Variants in TNRC18 observed in about 807,000 individuals in gnomAD.
TNRC18 encodes the protein trinucleotide repeat containing 18.
TNRC18 carries 69 observed loss-of-function variants against 226.7 expected under a neutral mutation model. The observed-to-expected ratio is 0.30, with a 90% CI of 0.25 to 0.37. TNRC18 has a LOEUF of 0.37. Among genes scored for constraint, TNRC18 ranks in the 10% least tolerant of loss-of-function variants. The pLI, the probability that TNRC18 is intolerant of heterozygous loss-of-function variation, is 1.00. For missense variants in TNRC18, 4,754 were observed against 4,256.6 expected, an observed-to-expected ratio of 1.12 and a Z score of -3.25; for synonymous variants, 2,449 against 1,927.6, an observed-to-expected ratio of 1.27 and a Z score of -7.09.
At chr7:5,330,308 C>T (rs1412019684) in intron 19 of TNRC18, among the ~76,000 whole-genome samples, 1 of 152,106 alleles carries the variant, frequency 6.6e-6, no homozygotes, top group Non-Finnish European at 1.5e-5. Context: ...TAGCTCACTG[C>T]AGCCTTCACC....
intron 3 of TNRC18, among the ~76,000 whole-genome samples, chr7:5,393,302 C>G (rs1156921371): frequency 6.6e-6 from 1 of 152,256 alleles, no homozygotes; most frequent in Non-Finnish European, 1.5e-5. Flanking sequence ...GCTGGGCACC[C>G]TCGTGCCTGG....
chr7:5,398,720 C>G (rs1424732948), intron 2 of TNRC18, among the ~76,000 whole-genome samples: 1 of 151,972 alleles, frequency 6.6e-6, no homozygotes, highest in African/African-American at 2.4e-5. Flanking sequence ...TGAGCTCAAT[C>G]AATCCTCCAG....
chr7:5,389,461 G>GTTTTTTTTTTTTGTTTTTTTTTTTTT (rs754143983), intron 4 of TNRC18, 125 bp from the exon 5 acceptor site: 1 of 519,656 alleles, frequency 1.9e-6, no homozygotes, highest in African/African-American at 2.8e-5. Flanking sequence ...TTTGGTTTTG[G>GTTTTTTTTTTTTGTTTTTTTTTTTTT]TTTTTTTTTT....
chr7:5,418,122 C>A (rs937124320), intron 2 of TNRC18, among the ~76,000 whole-genome samples: 12 of 152,194 alleles, frequency 7.9e-5, no homozygotes, highest in Non-Finnish European at 1.5e-5. Context: ...AGTACAAAAT[C>A]CTACTAATAG....
In TNRC18 at chr7:5,345,776, C is replaced by T; in HGVS notation, c.5505G>A (p.Glu1835=). 1.3e-6 allele frequency: 2 copies of T among 1,546,080 alleles called. No homozygotes were observed. Among genetic ancestry groups the T allele is most frequent in the Non-Finnish European group, 1.7e-6 (2 of 1,146,774 alleles). The change falls in exon 18 of 30, where the codon GAG becomes GAA. Residue 1835 remains glutamate (E), a synonymous_variant. Transcript: ENST00000430969. ...CGCTGGCCTCGTCCTCCTCCTCGAG[C>T]TCCTCCTCCTCGTCCTCCTCCTCCG... ...ESSEEEDEEE[E]LEEEDEASGG... is the part of the protein sequence containing the mutation.
intron 3 of TNRC18, among the ~76,000 whole-genome samples, chr7:5,391,133 A>C (rs899811845): frequency 1.3e-5 from 2 of 151,862 alleles, no homozygotes; most frequent in East Asian, 3.9e-4. Flanking sequence ...TGTGACCCCA[A>C]GCTGGTCACC....
intron 2 of TNRC18, among the ~76,000 whole-genome samples, chr7:5,416,472 G>A (rs1271366386): frequency 3.3e-5 from 5 of 152,210 alleles, no homozygotes; most frequent in Non-Finnish European, 7.3e-5. Flanking sequence ...TGTAGTCCTC[G>A]CTACTCGGGC....
chr7:5,387,625 G>T, intron 5 of TNRC18, 47 bp downstream of exon 5: 1 of 1,595,298 alleles, frequency 6.3e-7, no homozygotes, highest in South Asian at 1.1e-5. Flanking sequence ...GGAAACGGCA[G>T]AGAGACCCAA....
chr7:5,380,253 C>T (rs999352765), intron 5 of TNRC18, among the ~76,000 whole-genome samples: 3 of 152,176 alleles, frequency 2.0e-5, no homozygotes, highest in Non-Finnish European at 4.4e-5. Context: ...TGAGACCAAT[C>T]TGGGCAACAC....
rs1239942286 is a variant in TNRC18, at chr7:5,352,033, G to C, written c.5256C>G (p.Ser1752=). Residue 1752 remains serine (S), a synonymous_variant, in exon 17 of 30, where the codon TCC becomes TCG. Coordinates refer to ENST00000430969, the MANE Select transcript of TNRC18 (RefSeq NM_001080495.3). ...LKDEWPAQGP[S]SSKLTPSLLC... is the part of the protein sequence containing the mutation. ...GGAGGGAAGGCGTCAGTTTGGAGCT[G>C]GAGGGGCCTTGGGCGGGCCACTCGT... The C allele has an allele frequency of 6.2e-7, 1 of 1,613,774 alleles. No homozygotes were observed. The highest frequency in any genetic ancestry group is 8.5e-7 in the Non-Finnish European group (1 of 1,179,850).
intron 24 of TNRC18, 46 bp from the exon 25 acceptor site, chr7:5,316,118 TC>T: frequency 6.8e-7 from 1 of 1,476,550 alleles, no homozygotes. Flanking sequence ...GACCTCCAGC[TC>T]CCTAGTGACG....
At chr7:5,387,596 GC>G in intron 5 of TNRC18, 75 bp downstream of exon 5, 1 of 1,554,878 alleles carries the variant, frequency 6.4e-7, no homozygotes. Flanking sequence ...AAGGGAAAGG[GC>G]CCACACTGTA....
rs1031348157 is a variant in TNRC18 at position 5,416,995 on chromosome 7, T to A, written c.187+4065A>T. On this transcript the variant is annotated intron_variant, in intron 2 of 29. Transcript: ENST00000430969. ...AAACCCTGTCTCTTAAAAAAAAAAT[T>A]TTTTTTTAAGTAACAAAATCAGCTG... is the stretch of plus-strand genomic sequence containing the variant. 4.8e-3 allele frequency among the ~76,000 whole-genome samples: 73 copies of A among 15,358 alleles called. 1 individual carries two copies. Among genetic ancestry groups the A allele is most frequent in the African/African-American group, 9.2e-3 (66 of 7,204 alleles). 10.1% of individuals were successfully genotyped at this position (15,358 alleles called of 152,430 possible). A position where few individuals can be genotyped will look rare whatever the true frequency, so the allele number is the denominator to read the frequency against.
chr7:5,324,278 G>A lies in TNRC18; in HGVS notation c.6378C>T (p.Asp2126=), dbSNP rs774699357. Residue 2126 remains aspartate (D), a synonymous_variant, in exon 21 of 30, where the codon GAC becomes GAT. Coordinates refer to ENST00000430969, the MANE Select transcript of TNRC18 (RefSeq NM_001080495.3). This position sits in a 1 kb window ranked among gnomAD's most constrained non-coding sequence, Gnocchi z 4.8. Reference sequence around the variant, plus strand: ...GGTGCTCGTCCTCAGAGAAGCTCGAGTCTTGGTTGGGTTCAAAGTCCTCCT... The same window carrying A: ...GGTGCTCGTCCTCAGAGAAGCTCGAATCTTGGTTGGGTTCAAAGTCCTCCT... ...AAEEDFEPNQ[D]SSFSEDEHLP... The A allele has an allele frequency of 4.6e-5, 75 of 1,613,308 alleles. No individual in the cohort carries two copies. The highest frequency in any genetic ancestry group is 1.6e-4 in the Middle Eastern group (1 of 6,074).
At chr7:5,345,522 T>TCTCCCC in intron 18 of TNRC18, 40 bp downstream of exon 18, 1 of 170,136 alleles carries the variant, frequency 5.9e-6, no homozygotes. Flanking sequence ...CGTCCGCCCC[T>TCTCCCC]CCCACCCACC....
At chr7:5,399,784 T>G (rs964571897) in intron 2 of TNRC18, among the ~76,000 whole-genome samples, 3 of 151,792 alleles carry the variant, frequency 2.0e-5, no homozygotes, top group Admixed American at 6.6e-5. Context: ...TTGGGAGGCC[T>G]AGGCGGGTGG....
In TNRC18 at chr7:5,370,454, C is replaced by T; in HGVS notation, c.4140G>A (p.Glu1380=). Residue 1380 remains glutamate, a synonymous_variant, in exon 11 of 30, where the codon GAG becomes GAA. Coordinates refer to ENST00000430969, the MANE Select transcript of TNRC18 (RefSeq NM_001080495.3). The part of the protein sequence containing the change: ...KLEAAESLVL[E]QSFLHGITLL... The stretch of plus-strand genomic sequence containing the variant: ...GGGTGATGCCATGCAGGAAGCTCTG[C>T]TCCAAGACAAGGCTCTCGGCTGCTT... 6.4e-7 allele frequency: 1 copy of T among 1,569,248 alleles called. No individual in the cohort carries two copies.
At chr7:5,383,052 G>A (rs980911918) in intron 5 of TNRC18, among the ~76,000 whole-genome samples, 12 of 151,054 alleles carry the variant, frequency 7.9e-5, no homozygotes, top group African/African-American at 2.7e-4. Context: ...ACACCACTAT[G>A]CTCGGATGAT....
rs1282801187 is a variant in TNRC18 at position 5,377,624 on chromosome 7, G to T, written c.2256-48C>A. On this transcript the variant is annotated intron_variant, in intron 6 of 29. Transcript: ENST00000430969. This position sits in a 1 kb window ranked among gnomAD's most constrained non-coding sequence, Gnocchi z 5.8. ...CAGCGACAGCTCGGACAGCCCAGGGGACGAGAGGGAGAAGCGGGGTTGCCC... is the reference window on the plus strand; with the variant it reads ...CAGCGACAGCTCGGACAGCCCAGGGTACGAGAGGGAGAAGCGGGGTTGCCC... The T allele has an allele frequency of 5.9e-6, 9 of 1,522,166 alleles. No individual in the cohort carries two copies. The highest frequency in any genetic ancestry group is 8.0e-6 in the Non-Finnish European group (9 of 1,124,370). 94.3% of individuals were successfully genotyped at this position (1,522,166 alleles called of 1,614,324 possible).
Sources: gnomAD v4.1 joint callset for allele counts (sites outside exome capture counted in the v4.1 genomes callset) on GRCh38, gnomAD v4.1.1 for gene constraint, Gnocchi (gnomAD v3.1) non-coding constraint, MANE v1.5 for transcripts, NCBI Gene and HGNC (gene_info 2026-07-23, HGNC 2026-07-21) for gene names.